SYNE2: variants seen among roughly 807,000 people sequenced by gnomAD.
SYNE2 encodes the protein nesprin-2.
In SYNE2, 431 loss-of-function variants were observed where a neutral mutation model predicts 856.3. The observed-to-expected ratio is 0.50, with a 90% CI of 0.47 to 0.55. The LOEUF is 0.55. Ranked by LOEUF, SYNE2 falls within the 20% of genes least tolerant of loss-of-function variation. The probability of loss-of-function intolerance (pLI) is 0.00; values close to 1 mark genes in which losing one functional copy is unlikely to be tolerated. For missense variants in SYNE2, 8,129 were observed against 8,023.2 expected (o/e 1.01, Z -0.50); for synonymous variants, 2,923 against 2,872.3 (o/e 1.02, Z -0.56).
intron 2 of SYNE2, among the ~76,000 whole-genome samples, chr14:63,917,114 T>A (rs901055845): frequency 5.9e-5 from 9 of 152,074 alleles, no homozygotes; most frequent in Non-Finnish European, 1.2e-4. Context: ...ATTAATTTTT[T>A]AATAAAGGCT....
At chr14:63,800,618 A>C (rs991848826) in intron 1 of SYNE2, among the ~76,000 whole-genome samples, 4 of 152,204 alleles carry the variant, frequency 2.6e-5, no homozygotes, top group African/African-American at 9.6e-5. Context: ...AAAAACTAGA[A>C]TGTTTTGTAG....
intron 2 of SYNE2, among the ~76,000 whole-genome samples, chr14:63,919,731 A>G (rs1223241337): frequency 2.6e-5 from 4 of 152,198 alleles, no homozygotes; most frequent in Admixed American, 2.6e-4. Context: ...ATGGTAAAGC[A>G]TAATAAATGC....
At position 63,900,639 on chromosome 14, in the gene SYNE2, T is replaced by C. The variant is rs1448033007; in HGVS notation, c.-51-8459T>C. ...GACACAGCCAGACCATATCATAGGATTGGTTGTTCTGGCATTTGTGTGGTG... is the reference window on the plus strand; with the variant it reads ...GACACAGCCAGACCATATCATAGGACTGGTTGTTCTGGCATTTGTGTGGTG... On this transcript the variant is annotated intron_variant, in intron 1 of 115. Coordinates refer to ENST00000555002, the MANE Select transcript of SYNE2 (RefSeq NM_182914.3). Among the ~76,000 whole-genome samples the C allele has an allele frequency of 1.3e-3, 198 of 152,050 alleles. 2 individuals carry two copies. Among genetic ancestry groups the C allele is most frequent in the Non-Finnish European group, 6.0e-4 (41 of 68,008 alleles).
intron 76 of SYNE2, 30 bp from the exon 77 acceptor site, chr14:64,132,235 G>C: frequency 6.2e-7 from 1 of 1,611,184 alleles, no homozygotes; most frequent in Non-Finnish European, 8.5e-7. Flanking sequence ...CAATTTCAAA[G>C]TAAATATTAA....
At chr14:64,162,341 C>T (rs747134443) in intron 88 of SYNE2, 65 bp downstream of exon 88, 3 of 1,525,304 alleles carry the variant, frequency 2.0e-6, no homozygotes, top group Non-Finnish European at 2.7e-6. Flanking sequence ...TAAGGGACAG[C>T]CATGACCTGG....
intron 2 of SYNE2, among the ~76,000 whole-genome samples, chr14:63,936,651 G>A (rs1325117269): frequency 6.6e-6 from 1 of 152,204 alleles, no homozygotes; most frequent in Non-Finnish European, 1.5e-5. Context: ...GCAGGGAAGG[G>A]CAGATGGTGC....
At chr14:63,935,011 C>G (rs1595730011) in intron 2 of SYNE2, among the ~76,000 whole-genome samples, 1 of 149,770 alleles carries the variant, frequency 6.7e-6, no homozygotes, top group Admixed American at 6.6e-5. Flanking sequence ...TAAAATTAGC[C>G]TTTGATGCTT....
intron 97 of SYNE2, among the ~76,000 whole-genome samples, chr14:64,187,459 G>A (rs1452427028): frequency 3.3e-5 from 5 of 152,154 alleles, no homozygotes; most frequent in Non-Finnish European, 7.4e-5. Flanking sequence ...GGGCCCAGAT[G>A]TTCCTAATTG....
In SYNE2 at chr14:64,160,213, C is replaced by G. The variant is rs932425959; in HGVS notation, c.16094+771C>G. On this transcript the variant is annotated intron_variant, in intron 87 of 115. Transcript: ENST00000555002. ...GACTAAGAGGAACCTGCAAATGCAT[C>G]TGACTCCACATACAATATCAGGGCT... 2.6e-5 allele frequency among the ~76,000 whole-genome samples: 4 copies of G among 152,344 alleles called. No homozygotes were observed. The South Asian group carries it at 6.2e-4, about 24-fold the overall frequency.
intron 1 of SYNE2, among the ~76,000 whole-genome samples, chr14:63,793,770 C>A (rs548097696): frequency 1.3e-4 from 19 of 151,046 alleles, no homozygotes; most frequent in Middle Eastern, 6.8e-3. Context: ...GGCCCCCCCC[C>A]AACTAAAAAA....
chr14:63,911,886 T>G (rs937642069), intron 2 of SYNE2, among the ~76,000 whole-genome samples: 3 of 152,232 alleles, frequency 2.0e-5, no homozygotes, highest in African/African-American at 7.2e-5. Flanking sequence ...ATGTTTTGAA[T>G]TATCGTAGGT....
intron 74 of SYNE2, 112 bp downstream of exon 74, chr14:64,128,665 A>C (rs914713501): frequency 1.4e-6 from 1 of 730,506 alleles, no homozygotes; most frequent in Non-Finnish European, 2.5e-6. Context: ...GCTTAAGTAA[A>C]TAAATAAAAA....
chr14:64,172,793 TGTG>T (rs1446117135), intron 94 of SYNE2, among the ~76,000 whole-genome samples: 1 of 151,926 alleles, frequency 6.6e-6, no homozygotes, highest in Non-Finnish European at 1.5e-5. Flanking sequence ...TTTAGCCAGG[TGTG>T]GTGGTGCACG....
chr14:63,981,178 T>G lies in SYNE2; in HGVS notation c.1836+5T>G. 1 of 1,610,626 alleles carries G rather than the reference T, an allele frequency of 6.2e-7. No homozygotes were observed. The highest frequency in any genetic ancestry group is 8.5e-7 in the Non-Finnish European group (1 of 1,176,998). On this transcript the variant is annotated splice_donor_5th_base_variant and intron_variant, in intron 16 of 115. Transcript: ENST00000555002. ...AAGAAGGAAGAAATTAAAGAGGTAT[T>G]TGCAGTCTAATAGCATCTGCTCAAT...
chr14:63,795,486 GTTAATAC>G (rs1887887455), intron 1 of SYNE2, among the ~76,000 whole-genome samples: 1 of 151,924 alleles, frequency 6.6e-6, no homozygotes, highest in Admixed American at 6.6e-5. Flanking sequence ...ATACTTAATA[GTTAATAC>G]TTAATAAACT....
intron 108 of SYNE2, among the ~76,000 whole-genome samples, chr14:64,218,046 C>T (rs1411322259): frequency 6.6e-6 from 1 of 152,206 alleles, no homozygotes. Context: ...ATTCAAAGTG[C>T]TAACGCAGTA....
rs2096603131 is a variant in SYNE2, at chr14:63,983,611, TA to T, written c.2002-125del. 5.1e-6 allele frequency: 4 copies of T among 790,252 alleles called. No homozygotes were observed. The South Asian group carries it at 6.9e-5, about 14-fold the overall frequency. 49.0% of individuals were successfully genotyped at this position (790,252 alleles called of 1,614,324 possible). On this transcript the variant is annotated intron_variant, in intron 17 of 115. Coordinates refer to ENST00000555002, the MANE Select transcript of SYNE2 (RefSeq NM_182914.3). ...TGTTTTATGTGAAATGCTCATATTT[TA>T]TAACACTGTTGTAGTTTAATCCTAA...
chr14:64,045,368 G>A (rs2097178420), intron 45 of SYNE2, among the ~76,000 whole-genome samples: 1 of 149,098 alleles, frequency 6.7e-6, no homozygotes, highest in Non-Finnish European at 1.5e-5. Context: ...AGTAGATGAT[G>A]AATAACAGAT....
intron 94 of SYNE2, chr14:64,173,969 C>T: frequency 2.9e-6 from 2 of 694,162 alleles, no homozygotes; most frequent in Admixed American, 2.1e-5. Flanking sequence ...CTGCACACTG[C>T]CTGCGGAGCG....
Sources: allele counts gnomAD v4.1 joint callset (sites outside exome capture counted in the v4.1 genomes callset), GRCh38; gene constraint gnomAD v4.1.1; transcripts MANE v1.5; gene names NCBI Gene and HGNC (gene_info 2026-07-23, HGNC 2026-07-21).